The following FHIP1A variants were observed in gnomAD, a reference collection of about 807,000 sequenced individuals.
The protein encoded by FHIP1A is FHF complex subunit HOOK interacting protein 1A, also known as FHF complex subunit HOOK-interacting protein 1A.
A neutral mutation model predicts 88.6 loss-of-function variants in FHIP1A; 61 were observed. That is an observed-to-expected ratio of 0.69 (90% CI 0.56 to 0.85). The LOEUF is 0.85. Among genes scored for constraint, FHIP1A ranks in the 40% least tolerant of loss-of-function variants. The pLI is 0.00. For missense variants in FHIP1A, 1,154 were observed against 1,273.5 expected (o/e 0.91, Z 1.43); for synonymous variants, 478 against 496.0 (o/e 0.96, Z 0.48).
At chr4:151,531,149 A>G (rs148983292) in intron 3 of FHIP1A, among the ~76,000 whole-genome samples, 230 of 152,106 alleles carry the variant, frequency 1.5e-3, no homozygotes, top group African/African-American at 5.2e-3. Flanking sequence ...GAGCTGAGGT[A>G]TTTTAATTAA....
chr4:151,585,101 T>C (rs968815753), intron 5 of FHIP1A, among the ~76,000 whole-genome samples: 1 of 152,200 alleles, frequency 6.6e-6, no homozygotes, highest in South Asian at 2.1e-4. Flanking sequence ...TGCCTCATTA[T>C]ATTTTCTTGA....
At chr4:151,657,800 G>C (rs1365390441) in intron 13 of FHIP1A, among the ~76,000 whole-genome samples, 1 of 152,198 alleles carries the variant, frequency 6.6e-6, no homozygotes, top group African/African-American at 2.4e-5. Context: ...ATGAAACTCA[G>C]GGCAATTGTT....
intron 3 of FHIP1A, among the ~76,000 whole-genome samples, chr4:151,509,018 T>A (rs1370742757): frequency 6.6e-6 from 1 of 152,192 alleles, no homozygotes; most frequent in Admixed American, 6.5e-5. Flanking sequence ...TCAGACATTC[T>A]TAAGCAGTGC....
intron 7 of FHIP1A, among the ~76,000 whole-genome samples, chr4:151,617,425 C>T (rs1735583663): frequency 6.6e-6 from 1 of 152,212 alleles, no homozygotes; most frequent in East Asian, 1.9e-4. Context: ...GTTTTGAAAA[C>T]CTCTCCTGAT....
chr4:151,427,737 A>G (rs116443528), intron 1 of FHIP1A, among the ~76,000 whole-genome samples: 2,141 of 152,216 alleles, frequency 0.014, 47 homozygotes, highest in African/African-American at 0.05. Context: ...TGGGTAAGCT[A>G]TATTTTCTGG....
intron 3 of FHIP1A, among the ~76,000 whole-genome samples, chr4:151,531,950 A>T (rs1453053122): frequency 6.6e-6 from 1 of 152,246 alleles, no homozygotes; most frequent in Non-Finnish European, 1.5e-5. Flanking sequence ...GAAATATATA[A>T]GGAATGTAAA....
chr4:151,495,463 C>G (rs144272962), intron 3 of FHIP1A, among the ~76,000 whole-genome samples: 3,087 of 150,192 alleles, frequency 0.021, 107 homozygotes, highest in African/African-American at 0.071. Context: ...GATTGTGCCA[C>G]TGCACTCCAG....
intron 13 of FHIP1A, among the ~76,000 whole-genome samples, chr4:151,661,980 C>T (rs749248065): frequency 1.3e-5 from 2 of 152,166 alleles, no homozygotes; most frequent in Non-Finnish European, 2.9e-5. Flanking sequence ...TGGAGGTCAC[C>T]GGGGAGCCCG....
intron 3 of FHIP1A, among the ~76,000 whole-genome samples, chr4:151,527,369 T>C (rs12397658): frequency 1.3e-5 from 2 of 152,068 alleles, no homozygotes; most frequent in East Asian, 3.9e-4. Context: ...CAAAAAAATA[T>C]GAAAACCAGT....
chr4:151,465,677 G>A (rs570356308), intron 2 of FHIP1A, among the ~76,000 whole-genome samples: 8 of 152,280 alleles, frequency 5.3e-5, no homozygotes, highest in Middle Eastern at 3.4e-3. Context: ...TGTCCACCAC[G>A]ATCAAGTAGG....
intron 1 of FHIP1A, among the ~76,000 whole-genome samples, chr4:151,442,785 T>A (rs761992195): frequency 1.3e-5 from 2 of 152,220 alleles, no homozygotes; most frequent in Non-Finnish European, 2.9e-5. Flanking sequence ...TTGTTTCTAA[T>A]CTGTTCTTCC....
chr4:151,519,204 C>T (rs1731365136), intron 3 of FHIP1A, among the ~76,000 whole-genome samples: 1 of 152,186 alleles, frequency 6.6e-6, no homozygotes, highest in Non-Finnish European at 1.5e-5. Flanking sequence ...ATCATCATCA[C>T]CCTGGAAGGT....
chr4:151,425,574 C>A (rs1171993386), intron 1 of FHIP1A, among the ~76,000 whole-genome samples: 1 of 152,070 alleles, frequency 6.6e-6, no homozygotes, highest in Non-Finnish European at 1.5e-5. Flanking sequence ...TTCACATAGA[C>A]TTTTTTTAGA....
At chr4:151,587,051 T>A (rs1338202169) in intron 6 of FHIP1A, among the ~76,000 whole-genome samples, 1 of 152,158 alleles carries the variant, frequency 6.6e-6, no homozygotes, top group Non-Finnish European at 1.5e-5. Context: ...TTTGATTATC[T>A]ACTTAACCAT....
chr4:151,430,720 A>G (rs1489262824), intron 1 of FHIP1A, among the ~76,000 whole-genome samples: 1 of 152,224 alleles, frequency 6.6e-6, no homozygotes, highest in Non-Finnish European at 1.5e-5. Context: ...GATATTTGTC[A>G]CAGCTCCATT....
At chr4:151,526,758 C>A (rs1474451602) in intron 3 of FHIP1A, among the ~76,000 whole-genome samples, 1 of 151,756 alleles carries the variant, frequency 6.6e-6, no homozygotes, top group Non-Finnish European at 1.5e-5. Context: ...GGGCTCCTCA[C>A]TTCTCAGATG....
At chr4:151,550,878 A>G (rs944695815) in intron 3 of FHIP1A, among the ~76,000 whole-genome samples, 1 of 152,212 alleles carries the variant, frequency 6.6e-6, no homozygotes, top group Non-Finnish European at 1.5e-5. Flanking sequence ...ACAACCATCA[A>G]GTCCTTTCTA....
chr4:151,481,752 G>T (rs1729903453), intron 2 of FHIP1A, among the ~76,000 whole-genome samples: 3 of 152,038 alleles, frequency 2.0e-5, no homozygotes, highest in Admixed American at 6.6e-5. Context: ...TCAAATAGTG[G>T]CTTCTTGTGG....
At chr4:151,513,248 A>T (rs1188477967) in intron 3 of FHIP1A, among the ~76,000 whole-genome samples, 1 of 152,226 alleles carries the variant, frequency 6.6e-6, no homozygotes, top group Non-Finnish European at 1.5e-5. Flanking sequence ...AGACAAGCAA[A>T]TGCTGAGAGA....
Sources: gnomAD v4.1 joint callset for allele counts (sites outside exome capture counted in the v4.1 genomes callset) on GRCh38, gnomAD v4.1.1 for gene constraint, MANE v1.5 for transcripts, NCBI Gene and HGNC (gene_info 2026-07-23, HGNC 2026-07-21) for gene names.